Variants in ZNF384 observed in about 807,000 individuals in gnomAD.
ZNF384 encodes the protein CAG repeat protein 1.
A neutral mutation model predicts 65.0 loss-of-function variants in ZNF384; 20 were observed. The ratio of observed to expected loss-of-function variants is 0.31; its 90% CI spans 0.22 to 0.45. The LOEUF (loss-of-function observed/expected upper bound fraction) is 0.45, where lower values mean the gene tolerates loss of function less well. Ranked by LOEUF, ZNF384 falls within the 20% of genes least tolerant of loss-of-function variation. The pLI is 1.00. For synonymous variants in ZNF384, 310 were observed against 303.9 expected (o/e 1.02, Z -0.21); for missense variants, 549 against 769.4 (o/e 0.71, Z 3.39).
intron 2 of ZNF384, among the ~76,000 whole-genome samples, chr12:6,687,284 C>A (rs1592430621): frequency 6.6e-6 from 1 of 152,294 alleles, no homozygotes; most frequent in East Asian, 1.9e-4. Context: ...CCTGGGCCAA[C>A]AGCTTCTAGC....
chr12:6,680,172 C>T lies in ZNF384; in HGVS notation c.-5-647G>A, dbSNP rs543642384. 5.3e-5 allele frequency among the ~76,000 whole-genome samples: 8 copies of T among 152,154 alleles called. No homozygotes were observed. The East Asian group carries it at 1.5e-3, about 29-fold the overall frequency. On this transcript the variant is annotated intron_variant, in intron 2 of 11. Coordinates refer to ENST00000683879, the MANE Select transcript of ZNF384 (RefSeq NM_001385745.1). ...TAGAGACACGGTTTTTCCATGTTGC[C>T]CAGGCTGGTCTTGAACTCCTAGGCT...
rs114255624 is a variant in ZNF384 at position 6,673,126 on chromosome 12, G to A, written c.1004+90C>T. The A allele has an allele frequency of 1.6e-3, 1,947 of 1,212,796 alleles. 23 individuals carry two copies. The African/African-American group carries it at 0.018, about 11-fold the overall frequency. 75.1% of individuals were successfully genotyped at this position (1,212,796 alleles called of 1,614,324 possible). On this transcript the variant is annotated intron_variant, in intron 8 of 11. Coordinates refer to ENST00000683879, the MANE Select transcript of ZNF384 (RefSeq NM_001385745.1). The surrounding 1 kb of genome is among the most constrained non-coding windows in gnomAD (Gnocchi z 4.7). ...CCAATGGGCAAAGGTGAAAGGGAAA[G>A]AATAATACATGTGGAGAGAGGAGTA...
intron 2 of ZNF384, among the ~76,000 whole-genome samples, chr12:6,683,717 T>G (rs1956934242): frequency 6.8e-6 from 1 of 146,408 alleles, no homozygotes; most frequent in Admixed American, 6.8e-5. Context: ...ACTATGGATG[T>G]GAAAACGTAG....
intron 2 of ZNF384, among the ~76,000 whole-genome samples, chr12:6,682,864 A>G (rs1456213906): frequency 1.3e-5 from 2 of 152,252 alleles, no homozygotes; most frequent in Non-Finnish European, 2.9e-5. Flanking sequence ...ACGGTAGACT[A>G]CCTACATATA....
At position 6,673,260 on chromosome 12, in the gene ZNF384, A is replaced by G; in HGVS notation, c.960T>C (p.Cys320=). ...SGAKPYSCNF[C]EKSFRQLSHL... The stretch of plus-strand genomic sequence containing the variant: ...GGGAGAGCTGGCGGAAGGATTTCTC[A>G]CAGAAGTTACAACTGTAGGGCTTAG... Residue 320 remains cysteine (C), a synonymous_variant, in exon 8 of 12, where the codon TGT becomes TGC. Coordinates refer to ENST00000683879, the MANE Select transcript of ZNF384 (RefSeq NM_001385745.1). The surrounding 1 kb of genome is among the most constrained non-coding windows in gnomAD (Gnocchi z 4.7). 6.2e-7 allele frequency: 1 copy of G among 1,614,022 alleles called. No individual in the cohort carries two copies.
rs1952151476 is a variant in ZNF384 at position 6,673,137 on chromosome 12, G to A, written c.1004+79C>T. The A allele has an allele frequency of 7.8e-7, 1 of 1,286,220 alleles. No individual in the cohort carries two copies. The highest frequency in any genetic ancestry group is 1.1e-6 in the Non-Finnish European group (1 of 908,504). The allele number at this position is 1,286,220 out of a possible 1,614,324, so 79.7% of individuals were successfully genotyped here. ...AGGTGAAAGGGAAAGAATAATACAT[G>A]TGGAGAGAGGAGTAGGTGCAGGCAA... On this transcript the variant is annotated intron_variant, in intron 8 of 11. Transcript: ENST00000683879. The surrounding 1 kb of genome is among the most constrained non-coding windows in gnomAD (Gnocchi z 4.7).
chr12:6,667,677 ACTT>A lies in ZNF384; in HGVS notation c.*34_*36del, dbSNP rs769206581. ...GTTGGAGAAAGAAGACACCAGGACT[ACTT>A]CTTCCTCTTCCCAGTGGGTGGCAGC... On this transcript the variant is annotated 3_prime_UTR_variant, in exon 12 of 12. Transcript: ENST00000683879. The A allele has an allele frequency of 7.4e-6, 12 of 1,613,218 alleles. No individual in the cohort carries two copies. In the African/African-American group the frequency reaches 9.3e-5, roughly 13 times the overall value.
intron 7 of ZNF384, among the ~76,000 whole-genome samples, chr12:6,674,582 A>G (rs1043897460): frequency 3.9e-5 from 6 of 152,182 alleles, no homozygotes; most frequent in African/African-American, 1.2e-4. Context: ...TTACCAGCTT[A>G]TTGATCCCTG....
intron 3 of ZNF384, 49 bp from the exon 4 acceptor site, chr12:6,679,232 T>C (rs1954936043): frequency 1.3e-6 from 2 of 1,495,134 alleles, no homozygotes; most frequent in Non-Finnish European, 1.8e-6. Context: ...CCTGAGAGGC[T>C]GATTCTGCTT....
chr12:6,668,058 C>A lies in ZNF384; in HGVS notation c.1483G>T (p.Val495Leu), dbSNP rs763334208. The stretch of plus-strand genomic sequence containing the variant: ...GCTGCCGCTGCTGCTGCTGCCTGCA[C>A]CTGTTGCTGAAGATCAGGCGGGTTG... ...KHNPPDLQQQ[V>L]QAAAAAAAVA... Residue 495 changes from valine (V) to leucine (L), a missense_variant, in exon 12 of 12, where the codon GTG becomes TTG. Val to Leu is a conservative substitution (Grantham distance 32). This residue lies in a region of ZNF384 where 136 missense variants were observed against 183.0 expected (regional missense o/e 0.74). Transcript: ENST00000683879. 1 of 1,612,720 alleles carries A rather than the reference C, an allele frequency of 6.2e-7. No individual in the cohort carries two copies. Among genetic ancestry groups the A allele is most frequent in the African/African-American group, 1.3e-5 (1 of 75,018 alleles).
At chr12:6,685,799 AAAG>A (rs1450848071) in intron 2 of ZNF384, among the ~76,000 whole-genome samples, 5 of 151,442 alleles carry the variant, frequency 3.3e-5, no homozygotes, top group Admixed American at 1.3e-4. Flanking sequence ...AAAAAAAAAA[AAAG>A]AAGGCAGGTT....
intron 6 of ZNF384, among the ~76,000 whole-genome samples, 175 bp downstream of exon 6, chr12:6,677,952 C>T (rs1489534208): frequency 2.6e-5 from 4 of 152,190 alleles, no homozygotes; most frequent in African/African-American, 4.8e-5. Flanking sequence ...CATCCTAACA[C>T]GATGCTAGCA....
chr12:6,688,548 G>A (rs73266917), intron 1 of ZNF384: 3,930 of 152,712 alleles, frequency 0.026, 150 homozygotes, highest in African/African-American at 0.083. Flanking sequence ...AGATGGAGGA[G>A]GAGGAGGGTC....
At chr12:6,681,572 G>A (rs1256893830) in intron 2 of ZNF384, among the ~76,000 whole-genome samples, 2 of 152,182 alleles carry the variant, frequency 1.3e-5, no homozygotes, top group Non-Finnish European at 2.9e-5. Context: ...GACCCACTGA[G>A]GATACACTGG....
rs1385201117 is a variant in ZNF384 at position 6,672,147 on chromosome 12, C to T, written c.1187+203G>A. The T allele has an allele frequency of 6.9e-6, 4 of 579,710 alleles. No homozygotes were observed. In the East Asian group the frequency reaches 8.7e-5, roughly 13 times the overall value. 35.9% of individuals were successfully genotyped at this position (579,710 alleles called of 1,614,324 possible). A position where few individuals can be genotyped will look rare whatever the true frequency, so the allele number is the denominator to read the frequency against. On this transcript the variant is annotated intron_variant, in intron 9 of 11. Transcript: ENST00000683879. This position sits in a 1 kb window ranked among gnomAD's most constrained non-coding sequence, Gnocchi z 4.4. ...TCATATAGTCACTGCAGCTCCCCGA[C>T]GTAGCTCTTGCCCCAGAGAAGCTCT...
In ZNF384 at chr12:6,668,038, CGCTGCTGCT is replaced by C. The variant is rs745367350; in HGVS notation, c.1494_1502del (p.Ala501_Ala503del). On this transcript the variant is annotated inframe_deletion, in exon 12 of 12. Coordinates refer to ENST00000683879, the MANE Select transcript of ZNF384 (RefSeq NM_001385745.1). ...GAGCCTGGGCCTGGGCCACTGCTGC[CGCTGCTGCT>C]GCTGCCTGCACCTGTTGCTGAAGAT... is the stretch of plus-strand genomic sequence containing the variant. 5.6e-6 allele frequency: 9 copies of C among 1,613,050 alleles called. No homozygotes were observed. In the African/African-American group the frequency reaches 1.1e-4, roughly 19 times the overall value.
In ZNF384 at chr12:6,673,443, G is replaced by A. The variant is rs745400362; in HGVS notation, c.780-3C>T. 5.0e-6 allele frequency: 8 copies of A among 1,613,522 alleles called. No individual in the cohort carries two copies. Among genetic ancestry groups the A allele is most frequent in the Admixed American group, 1.7e-5 (1 of 59,960 alleles). On this transcript the variant is annotated splice_region_variant and splice_polypyrimidine_tract_variant and intron_variant, in intron 7 of 11. Transcript: ENST00000683879. The surrounding 1 kb of genome is among the most constrained non-coding windows in gnomAD (Gnocchi z 4.7). Reference sequence around the variant, plus strand: ...ATGTCAGTGAGCACATCCGGCACCTGAGCCAAGTGAGGGCAATGGTTAGAA... The same window carrying A: ...ATGTCAGTGAGCACATCCGGCACCTAAGCCAAGTGAGGGCAATGGTTAGAA...
intron 10 of ZNF384, 94 bp downstream of exon 10, chr12:6,670,666 T>C: frequency 8.4e-7 from 1 of 1,184,862 alleles, no homozygotes; most frequent in South Asian, 1.3e-5. Flanking sequence ...TGTTTGAGTG[T>C]AAAGGAGTCC....
At chr12:6,675,217 G>A (rs1278492511) in intron 7 of ZNF384, among the ~76,000 whole-genome samples, 4 of 152,206 alleles carry the variant, frequency 2.6e-5, no homozygotes, top group African/African-American at 9.7e-5. Flanking sequence ...TAATAATGAT[G>A]ATGACCACAA....
Sources: allele counts gnomAD v4.1 joint callset (sites outside exome capture counted in the v4.1 genomes callset), GRCh38; gene constraint gnomAD v4.1.1; regional missense constraint gnomAD v4.1.1; non-coding constraint Gnocchi (gnomAD v3.1); transcripts MANE v1.5; gene names NCBI Gene and HGNC (gene_info 2026-07-23, HGNC 2026-07-21).